GCFC2: variants seen among roughly 807,000 people sequenced by gnomAD.
GCFC2 encodes the protein intron Large complex component GCFC2.
GCFC2 carries 102 observed loss-of-function variants against 99.4 expected under a neutral mutation model. The observed-to-expected ratio is 1.03, with a 90% confidence interval of 0.87 to 1.21. The LOEUF is 1.21. GCFC2 is among the 50% of genes most tolerant of loss of function. The pLI, the probability that GCFC2 is intolerant of heterozygous loss-of-function variation, is 0.00. For missense variants in GCFC2, 973 were observed against 920.9 expected (o/e 1.06, Z -0.73); for synonymous variants, 338 against 316.8 (o/e 1.07, Z -0.71).
In GCFC2 at chr2:75,681,339, T is replaced by C. The variant is rs74880828; in HGVS notation, c.1691-1025A>G. 7.2e-3 allele frequency among the ~76,000 whole-genome samples: 1,080 copies of C among 149,554 alleles called. 37 individuals are homozygous for C. The highest frequency in any genetic ancestry group is 0.026 in the African/African-American group (1,033 of 38,982). On this transcript the variant is annotated intron_variant, in intron 11 of 16. Coordinates refer to ENST00000321027, the MANE Select transcript of GCFC2 (RefSeq NM_003203.5). ...GGAAGCACAAGGGGTTGGGGAATTC[T>C]CTCCCTTATCTAAGGGATGCCACGA...
rs772625457 is a variant in GCFC2 at position 75,694,330 on chromosome 2, C to G, written c.931G>C (p.Glu311Gln). Residue 311 changes from glutamate (E) to glutamine (Q), a missense_variant, in exon 6 of 17, where the codon GAG (glutamate) becomes CAG (glutamine). Physicochemically the swap from Glu to Gln is conservative, Grantham distance 29. Transcript: ENST00000321027. ...TTTAGAGCTTGATTTGATGAACTCT[C>G]TAGGTTCTGGATGGTACTCTTTGAG... ...KSSKSTIQNLESSSNQALNCK... is the reference protein window; with the variant it reads ...KSSKSTIQNLQSSSNQALNCK... The G allele has an allele frequency of 2.1e-6, 3 of 1,418,108 alleles. No homozygotes were observed. Among genetic ancestry groups the G allele is most frequent in the African/African-American group, 1.4e-5 (1 of 70,908 alleles). The allele number at this position is 1,418,108 out of a possible 1,614,324, so 87.8% of individuals were successfully genotyped here. A position where few individuals can be genotyped will look rare whatever the true frequency, so the allele number is the denominator to read the frequency against.
chr2:75,689,227 T>C lies in GCFC2; in HGVS notation c.1340-2A>G, dbSNP rs1022417329. On this transcript the variant is annotated splice_acceptor_variant, in intron 9 of 16. Coordinates refer to ENST00000321027, the MANE Select transcript of GCFC2 (RefSeq NM_003203.5). LOFTEE classifies it high-confidence loss of function. ...TCTTCTGTTTCTGTAAAATGTCACC[T>C]GTAAACAAAATAAGTCTCTTTATGC... 3 of 1,541,586 alleles carry C rather than the reference T, an allele frequency of 1.9e-6. No homozygotes were observed. Among genetic ancestry groups the C allele is most frequent in the African/African-American group, 1.4e-5 (1 of 73,268 alleles).
At chr2:75,668,993 A>C (rs1196083671) in intron 15 of GCFC2, among the ~76,000 whole-genome samples, 2 of 152,210 alleles carry the variant, frequency 1.3e-5, no homozygotes, top group African/African-American at 4.8e-5. Flanking sequence ...ATCGTAAGTA[A>C]AATAACAACG....
chr2:75,707,258 G>C (rs757148756), intron 1 of GCFC2, among the ~76,000 whole-genome samples: 6 of 152,048 alleles, frequency 3.9e-5, no homozygotes, highest in Non-Finnish European at 7.4e-5. Context: ...TAAACCATGG[G>C]TCCATCTTTT....
At chr2:75,700,639 C>T (rs1263680493) in intron 4 of GCFC2, among the ~76,000 whole-genome samples, 2 of 151,890 alleles carry the variant, frequency 1.3e-5, no homozygotes, top group Non-Finnish European at 2.9e-5. Flanking sequence ...CTGTCAATTA[C>T]TATAAAATTA....
At position 75,664,477 on chromosome 2, in the gene GCFC2, C is replaced by G. The variant is rs1678738548; in HGVS notation, c.*189G>C. ...GTGCATTTAATTCCTTAGAACACCA[C>G]AGAATCATGGCAGCTTTTCATGATG... On this transcript the variant is annotated 3_prime_UTR_variant, in exon 17 of 17. Coordinates refer to ENST00000321027, the MANE Select transcript of GCFC2 (RefSeq NM_003203.5). 1.5e-5 allele frequency: 6 copies of G among 395,990 alleles called. No homozygotes were observed. Among genetic ancestry groups the G allele is most frequent in the Non-Finnish European group, 2.7e-5 (6 of 221,710 alleles). The allele number at this position is 395,990 out of a possible 1,614,324, so 24.5% of individuals were successfully genotyped here. A position where few individuals can be genotyped will look rare whatever the true frequency, so the allele number is the denominator to read the frequency against.
In GCFC2 at chr2:75,702,441, G is replaced by A. The variant is rs373398909; in HGVS notation, c.395-18C>T. 81 of 1,599,540 alleles carry A rather than the reference G, an allele frequency of 5.1e-5. No homozygotes were observed. Among genetic ancestry groups the A allele is most frequent in the Non-Finnish European group, 6.4e-5 (75 of 1,171,696 alleles). The stretch of plus-strand genomic sequence containing the variant: ...GATCTTAACTGAAGGAAACAAAGAC[G>A]AGGACACTAAAAACCAAAGACCAAT... On this transcript the variant is annotated intron_variant, in intron 2 of 16. Transcript: ENST00000321027.
chr2:75,667,447 G>T (rs896202740), intron 15 of GCFC2, among the ~76,000 whole-genome samples: 1 of 152,140 alleles, frequency 6.6e-6, no homozygotes, highest in Admixed American at 6.6e-5. Context: ...TCTGGAATGC[G>T]CTCTTTCTAA....
At chr2:75,673,178 CG>C (rs1262745999) in intron 13 of GCFC2, among the ~76,000 whole-genome samples, 3 of 152,172 alleles carry the variant, frequency 2.0e-5, no homozygotes, top group South Asian at 2.1e-4. Context: ...GGCGTGGTGG[CG>C]GGCGCCTGTA....
At chr2:75,706,198 T>C (rs1311712520) in intron 2 of GCFC2, among the ~76,000 whole-genome samples, 1 of 152,224 alleles carries the variant, frequency 6.6e-6, no homozygotes, top group Non-Finnish European at 1.5e-5. Flanking sequence ...GTTTCAGATA[T>C]GCTACATCCT....
At chr2:75,680,595 A>C (rs1392412489) in intron 11 of GCFC2, among the ~76,000 whole-genome samples, 1 of 152,174 alleles carries the variant, frequency 6.6e-6, no homozygotes, top group Admixed American at 6.5e-5. Flanking sequence ...CTGGAAAAAC[A>C]AACACATTAA....
upstream of GCFC2, chr2:75,710,985 T>G: frequency 7.3e-7 from 1 of 1,365,342 alleles, no homozygotes. Context: ...GCCTGCCTTC[T>G]GCTCACCGCT....
rs374713738 is a variant in GCFC2, at chr2:75,702,419, C to G, written c.399G>C (p.Lys133Asn). ...CCTGAATAAAAGCTGCATCTGGGAT[C>G]TTAACTGAAGGAAACAAAGACGAGG... The part of the protein sequence containing the change: ...LGEKELSSTV[K>N]IPDAAFIQAA... The change falls in exon 3 of 17, where the codon AAG becomes AAC. Residue 133 changes from lysine (K) to asparagine (N), a missense_variant. Physicochemically the swap from Lys to Asn is moderately conservative, Grantham distance 94 (BLOSUM62 0). Transcript: ENST00000321027. The G allele has an allele frequency of 6.2e-6, 10 of 1,612,198 alleles. No homozygotes were observed. In the African/African-American group the frequency reaches 1.2e-4, roughly 19 times the overall value.
At chr2:75,701,430 C>T (rs973411155) in intron 3 of GCFC2, 143 bp from the exon 4 acceptor site, 9 of 604,396 alleles carry the variant, frequency 1.5e-5, no homozygotes, top group Admixed American at 9.0e-5. Context: ...GAAGAAGGCA[C>T]TATTACTGCC....
intron 11 of GCFC2, among the ~76,000 whole-genome samples, chr2:75,681,913 G>A (rs1282717008): frequency 6.6e-6 from 1 of 151,924 alleles, no homozygotes; most frequent in Non-Finnish European, 1.5e-5. Context: ...TCTCTGGGCA[G>A]AGCATCTCTG....
rs891150583 is a variant in GCFC2, at chr2:75,702,319, T to C, written c.499A>G (p.Ile167Val). The change falls in exon 3 of 17, where the codon ATC becomes GTC. Residue 167 changes from isoleucine (I) to valine (V), a missense_variant. Transcript: ENST00000321027. Reference protein sequence around the residue: ...ISLDVQHTSSISGMKRESEDD... With the variant: ...ISLDVQHTSSVSGMKRESEDD... The stretch of plus-strand genomic sequence containing the variant: ...TCGCTCTCTCTCTTCATACCAGAGA[T>C]GGAGGAGGTATGTTGTACATCCAAA... 6.2e-7 allele frequency: 1 copy of C among 1,612,870 alleles called. No homozygotes were observed. The highest frequency in any genetic ancestry group is 8.5e-7 in the Non-Finnish European group (1 of 1,178,856).
intron 4 of GCFC2, among the ~76,000 whole-genome samples, chr2:75,698,882 T>C (rs972775739): frequency 6.6e-6 from 1 of 151,954 alleles, no homozygotes; most frequent in Non-Finnish European, 1.5e-5. Context: ...CATGGTGGTA[T>C]GTACGTGTAG....
chr2:75,712,644 C>G (rs576882516), upstream of GCFC2, among the ~76,000 whole-genome samples: 40 of 152,256 alleles, frequency 2.6e-4, no homozygotes, highest in African/African-American at 9.1e-4. Context: ...ACTGCTGACT[C>G]TTTGGGTCCA....
upstream of GCFC2, chr2:75,711,301 AGT>A (rs1681173127): frequency 1.4e-6 from 1 of 700,644 alleles, no homozygotes; most frequent in Admixed American, 6.3e-5. Flanking sequence ...AAACCCCAGC[AGT>A]GTGAGGCTCG....
Sources: gnomAD v4.1 joint callset for allele counts (sites outside exome capture counted in the v4.1 genomes callset) on GRCh38, gnomAD v4.1.1 for gene constraint, MANE v1.5 for transcripts, NCBI Gene and HGNC (gene_info 2026-07-23, HGNC 2026-07-21) for gene names.